Variants in CAMK1D observed in about 807,000 individuals in gnomAD.
CAMK1D encodes calcium/calmodulin-dependent protein kinase type 1D.
Under a neutral mutation model 47.7 loss-of-function variants are expected in CAMK1D, and 9 were observed. That is an observed-to-expected ratio of 0.19 (90% CI 0.11 to 0.33). The LOEUF is 0.33. Ranked by LOEUF, CAMK1D falls within the 10% of genes least tolerant of loss-of-function variation. The pLI, the probability that CAMK1D is intolerant of heterozygous loss-of-function variation, is 1.00. For synonymous variants in CAMK1D, 184 were observed against 184.9 expected, an observed-to-expected ratio of 0.99 and a Z score of 0.04; for missense variants, 291 against 488.7, an observed-to-expected ratio of 0.60 and a Z score of 3.81.
At chr10:12,570,515 A>G (rs1396338852) in intron 2 of CAMK1D, among the ~76,000 whole-genome samples, 1 of 151,794 alleles carries the variant, frequency 6.6e-6, no homozygotes, top group Non-Finnish European at 1.5e-5. Context: ...CCCACCGTCC[A>G]CTAAAAATAC....
intron 1 of CAMK1D, among the ~76,000 whole-genome samples, chr10:12,367,367 G>A (rs553263585): frequency 5.3e-5 from 8 of 152,122 alleles, no homozygotes; most frequent in African/African-American, 1.9e-4. Flanking sequence ...GATCAGTTTC[G>A]TGGAAGACAA....
intron 1 of CAMK1D, among the ~76,000 whole-genome samples, chr10:12,496,112 G>A (rs533239431): frequency 3.3e-5 from 5 of 152,164 alleles, no homozygotes; most frequent in South Asian, 2.1e-4. Flanking sequence ...TTAGCCCACC[G>A]TGCCCAGCCT....
At chr10:12,480,464 C>A (rs544739937) in intron 1 of CAMK1D, among the ~76,000 whole-genome samples, 3 of 151,430 alleles carry the variant, frequency 2.0e-5, no homozygotes, top group African/African-American at 7.3e-5. Flanking sequence ...CAAAAAAAAA[C>A]CACTCAAGGA....
At chr10:12,573,465 C>T (rs1310495375) in intron 2 of CAMK1D, among the ~76,000 whole-genome samples, 1 of 152,180 alleles carries the variant, frequency 6.6e-6, no homozygotes, top group African/African-American at 2.4e-5. Flanking sequence ...TCATCATCGT[C>T]TAGATATTTC....
At chr10:12,734,936 A>G (rs999201837) in intron 3 of CAMK1D, among the ~76,000 whole-genome samples, 1 of 152,238 alleles carries the variant, frequency 6.6e-6, no homozygotes, top group African/African-American at 2.4e-5. Context: ...CAGAATAAAC[A>G]TTCAGTAAGC....
chr10:12,609,261 G>T (rs576269732), intron 2 of CAMK1D, among the ~76,000 whole-genome samples: 17 of 152,224 alleles, frequency 1.1e-4, no homozygotes, highest in Non-Finnish European at 1.5e-4. Flanking sequence ...GTTGGGGGAA[G>T]GGGACTGTGT....
chr10:12,433,136 A>T (rs1832536750), intron 1 of CAMK1D, among the ~76,000 whole-genome samples: 2 of 152,190 alleles, frequency 1.3e-5, no homozygotes, highest in South Asian at 4.1e-4. Context: ...GTTTCCTCTC[A>T]CAGCCTCAGA....
rs775381754 is a variant in CAMK1D at position 12,828,775 on chromosome 10, C to A, written c.1046C>A (p.Ala349Glu). Reference protein sequence around the residue: ...LSLASQKDCLAPSTLCSFISS... With the variant: ...LSLASQKDCLEPSTLCSFISS... ...CTTCTGCTGTTCCCTGCAGGTCTGGCACCTTCCACGCTCTGTAGTTTCATT... is the reference window on the plus strand; with the variant it reads ...CTTCTGCTGTTCCCTGCAGGTCTGGAACCTTCCACGCTCTGTAGTTTCATT... The change falls in exon 11 of 11, where the codon GCA (alanine) becomes GAA (glutamate). Residue 349 changes from alanine (A) to glutamate (E), a missense_variant. By Grantham distance (107) the Ala-to-Glu change is moderately radical. Coordinates refer to ENST00000619168, the MANE Select transcript of CAMK1D (RefSeq NM_153498.4). 1.2e-6 allele frequency: 2 copies of A among 1,613,166 alleles called. No homozygotes were observed. The highest frequency in any genetic ancestry group is 1.7e-5 in the Admixed American group (1 of 60,002).
At chr10:12,524,662 G>A (rs1188673367) in intron 1 of CAMK1D, among the ~76,000 whole-genome samples, 2 of 151,780 alleles carry the variant, frequency 1.3e-5, no homozygotes, top group African/African-American at 4.8e-5. Flanking sequence ...AGCCAAGATG[G>A]CACCACTGCA....
intron 1 of CAMK1D, among the ~76,000 whole-genome samples, chr10:12,387,629 C>G (rs1409501975): frequency 6.7e-6 from 1 of 149,254 alleles, no homozygotes; most frequent in Non-Finnish European, 1.5e-5. Flanking sequence ...ACTTCAGCCT[C>G]CTGAGTAGCT....
intron 1 of CAMK1D, among the ~76,000 whole-genome samples, chr10:12,539,718 G>A (rs1836102609): frequency 6.6e-6 from 1 of 152,198 alleles, no homozygotes; most frequent in African/African-American, 2.4e-5. Context: ...AAGTGCTGTC[G>A]AAGAGGTCCG....
chr10:12,649,422 T>C (rs904531988), intron 2 of CAMK1D, among the ~76,000 whole-genome samples: 1 of 152,232 alleles, frequency 6.6e-6, no homozygotes, highest in Non-Finnish European at 1.5e-5. Context: ...GGGTTAAGGC[T>C]GGTCCCCTCT....
intron 5 of CAMK1D, among the ~76,000 whole-genome samples, chr10:12,781,040 A>G (rs1030674696): frequency 1.3e-5 from 2 of 152,100 alleles, no homozygotes; most frequent in African/African-American, 2.4e-5. Flanking sequence ...CATCCCACAC[A>G]TGGCAGTCCC....
chr10:12,559,671 T>C (rs1210823559), intron 2 of CAMK1D, among the ~76,000 whole-genome samples: 15 of 152,064 alleles, frequency 9.9e-5, no homozygotes, highest in Admixed American at 9.8e-4. Flanking sequence ...TTGACTTGAG[T>C]CCATCATCCC....
intron 1 of CAMK1D, among the ~76,000 whole-genome samples, chr10:12,377,250 T>G (rs1221022365): frequency 6.6e-6 from 1 of 152,172 alleles, no homozygotes; most frequent in Non-Finnish European, 1.5e-5. Context: ...AATGTAGTAT[T>G]CTCTGAAACT....
chr10:12,617,439 T>G (rs1337839716), intron 2 of CAMK1D, among the ~76,000 whole-genome samples: 1 of 152,158 alleles, frequency 6.6e-6, no homozygotes, highest in Non-Finnish European at 1.5e-5. Flanking sequence ...CAGAATAAAT[T>G]AGCAGCAGCT....
At chr10:12,638,078 GA>G (rs1045876141) in intron 2 of CAMK1D, among the ~76,000 whole-genome samples, 53 of 152,192 alleles carry the variant, frequency 3.5e-4, no homozygotes, top group African/African-American at 1.3e-3. Context: ...AGGGGCCTCA[GA>G]GAAGGGGAGG....
intron 2 of CAMK1D, among the ~76,000 whole-genome samples, chr10:12,652,481 G>A (rs969163319): frequency 7.3e-5 from 11 of 151,086 alleles, no homozygotes; most frequent in Admixed American, 4.6e-4. Flanking sequence ...CCAGCTACTT[G>A]GGAGGCTGAG....
At chr10:12,766,116 C>G (rs1836745424) in intron 4 of CAMK1D, among the ~76,000 whole-genome samples, 1 of 151,902 alleles carries the variant, frequency 6.6e-6, no homozygotes, top group South Asian at 2.1e-4. Flanking sequence ...CGGGCATGTG[C>G]CACCACGCCC....
Sources: gnomAD v4.1 joint callset for allele counts (sites outside exome capture counted in the v4.1 genomes callset) on GRCh38, gnomAD v4.1.1 for gene constraint, MANE v1.5 for transcripts, NCBI Gene and HGNC (gene_info 2026-07-23, HGNC 2026-07-21) for gene names.